Variants in RORA observed in about 807,000 individuals in gnomAD.
RORA encodes the protein nuclear receptor ROR-alpha.
In RORA, 7 loss-of-function variants were observed where a neutral mutation model predicts 69.5. That is an observed-to-expected ratio of 0.10 (90% CI 0.06 to 0.19). The LOEUF (loss-of-function observed/expected upper bound fraction) is 0.19. Among genes scored for constraint, RORA ranks in the 10% least tolerant of loss-of-function variants. The probability of loss-of-function intolerance (pLI) is 1.00; values close to 1 mark genes in which losing one functional copy is unlikely to be tolerated. For missense variants in RORA, 457 were observed against 663.0 expected (o/e 0.69, Z 3.41); for synonymous variants, 261 against 240.8 (o/e 1.08, Z -0.78).
intron 1 of RORA, among the ~76,000 whole-genome samples, chr15:60,782,341 T>C (rs1300464094): frequency 6.6e-6 from 1 of 152,202 alleles, no homozygotes; most frequent in Non-Finnish European, 1.5e-5. Context: ...CATATAGCTT[T>C]TGCAACCACT....
chr15:61,128,582 G>A lies in RORA; in HGVS notation c.166+100471C>T, dbSNP rs905499652. On this transcript the variant is annotated intron_variant, in intron 1 of 10. Transcript: ENST00000335670. The surrounding 1 kb of genome is among the most constrained non-coding windows in gnomAD (Gnocchi z 4.5). ...CGGGGAGAGAGAAATCCTGGGGTGT[G>A]CAATCGATGTTGTCACATATATTCC... is the stretch of plus-strand genomic sequence containing the variant. Among the ~76,000 whole-genome samples, 6 of 152,182 alleles carry A rather than the reference G, an allele frequency of 3.9e-5. No homozygotes were observed. Among genetic ancestry groups the A allele is most frequent in the Non-Finnish European group, 4.4e-5 (3 of 68,032 alleles).
chr15:60,969,733 A>C (rs563579511), intron 1 of RORA, among the ~76,000 whole-genome samples: 1 of 152,222 alleles, frequency 6.6e-6, no homozygotes, highest in Non-Finnish European at 1.5e-5. Context: ...AGTTAGGTAC[A>C]TGGTTTTCAG....
chr15:61,078,329 C>CTGTGTG (rs56676588), intron 1 of RORA, among the ~76,000 whole-genome samples: 3,654 of 133,176 alleles, frequency 0.027, 74 homozygotes, highest in Admixed American at 0.037. Flanking sequence ...ACACCTGGCT[C>CTGTGTG]TGTGTGTGTG....
intron 1 of RORA, among the ~76,000 whole-genome samples, chr15:61,060,622 A>T (rs1204754644): frequency 6.6e-6 from 1 of 152,140 alleles, no homozygotes; most frequent in African/African-American, 2.4e-5. Flanking sequence ...GTGAGGTTCT[A>T]GCTTTCTCAT....
chr15:61,097,773 GTTAA>G (rs34404771), intron 1 of RORA, among the ~76,000 whole-genome samples: 13,200 of 152,126 alleles, frequency 0.087, 813 homozygotes, highest in African/African-American at 0.17. Context: ...ACTAACTAGT[GTTAA>G]TTAAGTCTGA....
intron 2 of RORA, among the ~76,000 whole-genome samples, chr15:60,583,075 G>A (rs919232764): frequency 1.3e-5 from 2 of 152,174 alleles, no homozygotes; most frequent in Admixed American, 1.3e-4. Context: ...CCACAATAAT[G>A]AGATAGATAC....
intron 1 of RORA, among the ~76,000 whole-genome samples, chr15:61,160,703 G>A (rs2079487280): frequency 6.6e-6 from 1 of 152,148 alleles, no homozygotes; most frequent in South Asian, 2.1e-4. Context: ...AGAACTGCAT[G>A]CTATTTTAGA....
chr15:60,857,782 T>A (rs543827233), intron 1 of RORA, among the ~76,000 whole-genome samples: 28 of 152,348 alleles, frequency 1.8e-4, no homozygotes, highest in African/African-American at 6.5e-4. Flanking sequence ...GAAGAGAAGC[T>A]GGCAACAAAG....
At chr15:60,761,542 T>C (rs1428651721) in intron 1 of RORA, among the ~76,000 whole-genome samples, 2 of 152,212 alleles carry the variant, frequency 1.3e-5, no homozygotes, top group Non-Finnish European at 2.9e-5. Flanking sequence ...CCAGGCCTTT[T>C]CTACTTTCAA....
intron 1 of RORA, among the ~76,000 whole-genome samples, chr15:61,103,012 C>T (rs928102246): frequency 6.6e-6 from 1 of 152,202 alleles, no homozygotes; most frequent in African/African-American, 2.4e-5. Flanking sequence ...TGAGTGCCTA[C>T]TATATGCTTG....
chr15:60,556,881 A>C, intron 2 of RORA: 1 of 1,613,634 alleles, frequency 6.2e-7, no homozygotes, highest in Non-Finnish European at 8.5e-7. Flanking sequence ...GTACTTCCTT[A>C]TCTTCCTTTT....
intron 1 of RORA, among the ~76,000 whole-genome samples, chr15:60,805,448 G>C (rs1017371496): frequency 2.0e-5 from 3 of 152,212 alleles, no homozygotes; most frequent in African/African-American, 7.2e-5. Context: ...GAGGAGTCAG[G>C]AGTCAGAAGG....
At position 60,495,175 on chromosome 15, in the gene RORA, A is replaced by C. The variant is rs1019296291; in HGVS notation, c.*2280T>G. On this transcript the variant is annotated 3_prime_UTR_variant, in exon 11 of 11. Coordinates refer to ENST00000335670, the MANE Select transcript of RORA (RefSeq NM_134261.3). ...TCCCCCCAGAGGAGAAACAATAGAA[A>C]AAAAATGGATGAATAAATAACTGAA... The C allele has an allele frequency of 6.6e-6, 1 of 152,222 alleles. No individual in the cohort carries two copies. The highest frequency in any genetic ancestry group is 1.5e-5 in the Non-Finnish European group (1 of 68,040). 9.4% of individuals were successfully genotyped at this position (152,222 alleles called of 1,614,324 possible).
At chr15:60,775,099 T>C (rs1463774464) in intron 1 of RORA, among the ~76,000 whole-genome samples, 1 of 152,230 alleles carries the variant, frequency 6.6e-6, no homozygotes, top group East Asian at 1.9e-4. Flanking sequence ...TTTTACCTTC[T>C]TTCTTCTTTC....
At chr15:61,003,135 CAAAA>C (rs1247223012) in intron 1 of RORA, among the ~76,000 whole-genome samples, 1 of 84,324 alleles carries the variant, frequency 1.2e-5, no homozygotes, top group Non-Finnish European at 2.5e-5. Flanking sequence ...GACTCAGTCT[CAAAA>C]AAAAAAAAAG....
intron 1 of RORA, among the ~76,000 whole-genome samples, chr15:61,057,738 G>A (rs1390430945): frequency 6.6e-6 from 1 of 152,068 alleles, no homozygotes; most frequent in African/African-American, 2.4e-5. Flanking sequence ...TTTGTACAGG[G>A]CCACCATCAA....
At chr15:60,622,545 G>A (rs1280200874) in intron 2 of RORA, among the ~76,000 whole-genome samples, 2 of 151,784 alleles carry the variant, frequency 1.3e-5, no homozygotes, top group Non-Finnish European at 2.9e-5. Context: ...CTGGGAGGTG[G>A]AGGTTGCAGT....
At chr15:60,565,358 C>T (rs573714636) in intron 2 of RORA, among the ~76,000 whole-genome samples, 3 of 152,270 alleles carry the variant, frequency 2.0e-5, no homozygotes, top group African/African-American at 4.8e-5. Context: ...TCTGCAAATG[C>T]GACTCACAGT....
chr15:60,912,678 C>T (rs561830881), intron 1 of RORA, among the ~76,000 whole-genome samples: 8 of 152,184 alleles, frequency 5.3e-5, no homozygotes, highest in South Asian at 2.1e-4. Flanking sequence ...GGCAGGAACC[C>T]GGGCGGCGGA....
Sources: allele counts gnomAD v4.1 joint callset (sites outside exome capture counted in the v4.1 genomes callset), GRCh38; gene constraint gnomAD v4.1.1; non-coding constraint Gnocchi (gnomAD v3.1); transcripts MANE v1.5; gene names NCBI Gene and HGNC (gene_info 2026-07-23, HGNC 2026-07-21).